MGAT4C: variants seen among roughly 807,000 people sequenced by gnomAD.
MGAT4C encodes alpha-1,3-mannosyl-glycoprotein 4-beta-N-acetylglucosaminyltransferase C.
In MGAT4C, 19 loss-of-function variants were observed where a neutral mutation model predicts 40.1. The ratio of observed to expected loss-of-function variants is 0.47; its 90% CI spans 0.33 to 0.70. MGAT4C has a LOEUF of 0.70. Among genes scored for constraint, MGAT4C ranks in the 30% least tolerant of loss-of-function variants. The probability of loss-of-function intolerance (pLI) is 0.02; values close to 1 mark genes in which losing one functional copy is unlikely to be tolerated. For missense variants in MGAT4C, 491 were observed against 563.2 expected (o/e 0.87, Z 1.30); for synonymous variants, 181 against 187.1 (o/e 0.97, Z 0.27).
chr12:86,594,865 T>C (rs1311928607), intron 2 of MGAT4C, among the ~76,000 whole-genome samples: 3 of 152,182 alleles, frequency 2.0e-5, no homozygotes, highest in Non-Finnish European at 4.4e-5. Context: ...GCTACTGTGA[T>C]TAAACTTTAT....
chr12:86,249,322 C>T (rs1952169208), intron 1 of MGAT4C, among the ~76,000 whole-genome samples: 1 of 152,124 alleles, frequency 6.6e-6, no homozygotes, highest in Non-Finnish European at 1.5e-5. Flanking sequence ...ATTAATCACC[C>T]CATCCAACAT....
intron 2 of MGAT4C, among the ~76,000 whole-genome samples, chr12:86,714,777 G>GGAAGGAAA (rs1236995159): frequency 7.7e-6 from 1 of 129,132 alleles, no homozygotes; most frequent in Non-Finnish European, 1.6e-5. Context: ...AAGGGAAAAA[G>GGAAGGAAA]GAAGGAAGGA....
rs186171443 is a variant in MGAT4C, at chr12:86,528,313, G to A, written c.-228-93048C>T. ...AAAATAACCATTAATTTAAAACAGA[G>A]ATGGACTCAATGTACTCACAGTTTC... On this transcript the variant is annotated intron_variant, in intron 2 of 7. Coordinates refer to the MGAT4C transcript ENST00000548651. 3.0e-3 allele frequency among the ~76,000 whole-genome samples: 463 copies of A among 152,116 alleles called. 1 individual carries two copies. The highest frequency in any genetic ancestry group is 6.8e-3 in the Middle Eastern group (2 of 292).
intron 3 of MGAT4C, among the ~76,000 whole-genome samples, chr12:86,353,702 A>C (rs1346958624): frequency 6.6e-6 from 1 of 152,192 alleles, no homozygotes. Context: ...CTGATAATTA[A>C]AATACTCAGA....
At chr12:86,266,933 A>G (rs1952801309) in intron 4 of MGAT4C, among the ~76,000 whole-genome samples, 1 of 151,922 alleles carries the variant, frequency 6.6e-6, no homozygotes, top group South Asian at 2.1e-4. Flanking sequence ...GTATATAGTT[A>G]TTCATAATAT....
intron 1 of MGAT4C, among the ~76,000 whole-genome samples, chr12:86,747,450 T>C (rs1202880888): frequency 6.6e-6 from 1 of 151,676 alleles, no homozygotes; most frequent in Non-Finnish European, 1.5e-5. Context: ...AACTAGCTAC[T>C]CACGAATAAT....
intron 1 of MGAT4C, among the ~76,000 whole-genome samples, chr12:86,761,108 G>C (rs1951397290): frequency 6.6e-6 from 1 of 152,146 alleles, no homozygotes; most frequent in African/African-American, 2.4e-5. Context: ...ACAAAACTAA[G>C]AAATTGCTGA....
At chr12:85,982,429 T>TA (rs1488644198) in intron 4 of MGAT4C, among the ~76,000 whole-genome samples, 3 of 152,294 alleles carry the variant, frequency 2.0e-5, no homozygotes, top group Non-Finnish European at 2.9e-5. Flanking sequence ...CCTCAAGTGA[T>TA]ACACTTGCCT....
At chr12:86,431,366 C>A (rs141944249) in intron 3 of MGAT4C, among the ~76,000 whole-genome samples, 7 of 152,214 alleles carry the variant, frequency 4.6e-5, no homozygotes, top group African/African-American at 1.4e-4. Flanking sequence ...CCAGAGTGGG[C>A]TTCCTGGAAA....
rs912088127 is a variant in MGAT4C, at chr12:85,968,358, T to C, written c.*10931A>G. ...TTTTATGTGTTAAAAAGTGGATTTA[T>C]AGTCTCTAATTAATAAGGTGCATAT... On this transcript the variant is annotated 3_prime_UTR_variant, in exon 5 of 5. Transcript: ENST00000611864. The C allele has an allele frequency of 2.0e-5, 3 of 151,990 alleles. No individual in the cohort carries two copies. The highest frequency in any genetic ancestry group is 4.4e-5 in the Non-Finnish European group (3 of 67,932). 9.4% of individuals were successfully genotyped at this position (151,990 alleles called of 1,614,324 possible).
chr12:86,099,723 G>C (rs1565980614), intron 1 of MGAT4C, among the ~76,000 whole-genome samples: 1 of 151,296 alleles, frequency 6.6e-6, no homozygotes, highest in Non-Finnish European at 1.5e-5. Context: ...TGTTCATAGA[G>C]TCACATTCTA....
intron 2 of MGAT4C, among the ~76,000 whole-genome samples, chr12:86,544,585 A>G (rs1224485059): frequency 6.6e-6 from 1 of 152,188 alleles, no homozygotes; most frequent in African/African-American, 2.4e-5. Context: ...ATCCTCAATT[A>G]ACATGCTTTA....
intron 1 of MGAT4C, among the ~76,000 whole-genome samples, chr12:86,746,386 T>C (rs551925131): frequency 1.9e-4 from 29 of 151,718 alleles, no homozygotes; most frequent in Non-Finnish European, 4.0e-4. Flanking sequence ...TTATTTATGT[T>C]GCTCAGGAGA....
chr12:86,092,478 A>G (rs917386726), intron 1 of MGAT4C, among the ~76,000 whole-genome samples: 1 of 152,102 alleles, frequency 6.6e-6, no homozygotes, highest in African/African-American at 2.4e-5. Context: ...ACACAGTTAT[A>G]ATTAGTGATC....
chr12:86,091,477 G>T (rs944060443), intron 1 of MGAT4C, among the ~76,000 whole-genome samples: 15 of 151,934 alleles, frequency 9.9e-5, no homozygotes, highest in Non-Finnish European at 2.9e-5. Context: ...GTGGCTAACA[G>T]GAGGATTAAA....
intron 3 of MGAT4C, among the ~76,000 whole-genome samples, chr12:86,336,776 G>T (rs1487116065): frequency 1.3e-5 from 2 of 152,096 alleles, no homozygotes; most frequent in Non-Finnish European, 2.9e-5. Flanking sequence ...TCAGTGAAAT[G>T]GGAGGGGTGT....
At chr12:86,361,104 A>C (rs10776963) in intron 3 of MGAT4C, among the ~76,000 whole-genome samples, 1 of 151,988 alleles carries the variant, frequency 6.6e-6, no homozygotes, top group African/African-American at 2.4e-5. Context: ...GGCTATAGCA[A>C]CCAAAACAGC....
At chr12:86,579,252 C>G (rs1255496926) in intron 2 of MGAT4C, among the ~76,000 whole-genome samples, 1 of 151,400 alleles carries the variant, frequency 6.6e-6, no homozygotes, top group Non-Finnish European at 1.5e-5. Flanking sequence ...CTGTCTTCCT[C>G]TAATGAAGGT....
intron 1 of MGAT4C, among the ~76,000 whole-genome samples, chr12:86,738,294 G>A (rs890397211): frequency 6.6e-6 from 1 of 151,194 alleles, no homozygotes; most frequent in African/African-American, 2.4e-5. Context: ...TTTTTAGTGA[G>A]GTATTCCAGC....
Sources: gnomAD v4.1 joint callset for allele counts (sites outside exome capture counted in the v4.1 genomes callset) on GRCh38, gnomAD v4.1.1 for gene constraint, MANE v1.5 for transcripts, NCBI Gene and HGNC (gene_info 2026-07-23, HGNC 2026-07-21) for gene names.